Variants in SRL observed in about 807,000 individuals in gnomAD.
SRL encodes sarcalumenin.
Under a neutral mutation model 39.5 loss-of-function variants are expected in SRL, and 23 were observed. The observed-to-expected ratio is 0.58, with a 90% CI of 0.42 to 0.82. The LOEUF (loss-of-function observed/expected upper bound fraction) is 0.82. Among genes scored for constraint, SRL ranks in the 40% least tolerant of loss-of-function variants. The pLI is 0.00. For synonymous variants in SRL, 272 were observed against 237.4 expected (o/e 1.15, Z -1.34); for missense variants, 592 against 607.8 (o/e 0.97, Z 0.27).
At position 4,204,587 on chromosome 16, in the gene SRL, G is replaced by A. The variant is rs773854883; in HGVS notation, c.109C>T (p.His37Tyr). Residue 37 changes from histidine to tyrosine, a missense_variant, in exon 2 of 6, where the codon CAC becomes TAC. His to Tyr is a moderately conservative substitution (Grantham distance 83). Transcript: ENST00000399609. The stretch of plus-strand genomic sequence containing the variant: ...TTCAGCATGAGGGTCTTCTCGATGT[G>A]GGAGCGGTCCCTCAATGGGGCTTCT... Reference protein sequence around the residue: ...NEEAPLRDRSHIEKTLMLNED... With the variant: ...NEEAPLRDRSYIEKTLMLNED... 29 of 1,614,082 alleles carry A rather than the reference G, an allele frequency of 1.8e-5. No individual in the cohort carries two copies. The highest frequency in any genetic ancestry group is 5.0e-5 in the Admixed American group (3 of 60,004).
chr16:4,228,982 A>C (rs865960444), intron 1 of SRL, among the ~76,000 whole-genome samples: 1 of 152,106 alleles, frequency 6.6e-6, no homozygotes, highest in Non-Finnish European at 1.5e-5. Flanking sequence ...GGTCATGAGA[A>C]AGTGAACTTC....
chr16:4,192,137 A>C lies in SRL; in HGVS notation c.*16T>G, dbSNP rs752145107. ...AAGCTGATTCACCAACAGGAACCCA[A>C]GGACCGCTCCACCACCTAGTGCTTC... On this transcript the variant is annotated 3_prime_UTR_variant, in exon 6 of 6. Transcript: ENST00000399609. This position sits in a 1 kb window ranked among gnomAD's most constrained non-coding sequence, Gnocchi z 4.0. 4.6e-6 allele frequency: 7 copies of C among 1,532,854 alleles called. No homozygotes were observed. The East Asian group carries it at 1.4e-4, about 30-fold the overall frequency. The allele number at this position is 1,532,854 out of a possible 1,614,324, so 95.0% of individuals were successfully genotyped here.
At chr16:4,227,303 G>T (rs772476634) in intron 1 of SRL, among the ~76,000 whole-genome samples, 1 of 150,834 alleles carries the variant, frequency 6.6e-6, no homozygotes, top group Non-Finnish European at 1.5e-5. Context: ...GATGGATGAC[G>T]GATGGATGGG....
At chr16:4,195,480 G>A (rs934243387) in intron 5 of SRL, 73 bp downstream of exon 5, 13 of 1,435,280 alleles carry the variant, frequency 9.1e-6, no homozygotes, top group Non-Finnish European at 1.2e-5. Context: ...TCACAGGCAT[G>A]AGCCATCATG....
chr16:4,192,801 G>A lies in SRL; in HGVS notation c.774C>T (p.Asp258=), dbSNP rs752951223. ...GCATGAGCATTTGGGTGGCCAGATT[G>A]TCAGCCTTGTTCAGGATGATCCTTA... ...SQIRIILNKA[D]NLATQMLMRV... is the part of the protein sequence containing the mutation. The change falls in exon 6 of 6, where the codon GAC becomes GAT. Residue 258 remains aspartate, a synonymous_variant. Coordinates refer to ENST00000399609, the MANE Select transcript of SRL (RefSeq NM_001098814.2). The surrounding 1 kb of genome is among the most constrained non-coding windows in gnomAD (Gnocchi z 4.0). 3 of 1,614,206 alleles carry A rather than the reference G, an allele frequency of 1.9e-6. No individual in the cohort carries two copies. The highest frequency in any genetic ancestry group is 4.5e-5 in the East Asian group (2 of 44,886).
At position 4,190,083 on chromosome 16, in the gene SRL, G is replaced by A. The variant is rs1208788727; in HGVS notation, c.*2070C>T. The A allele has an allele frequency of 2.3e-5, 9 of 395,546 alleles. No individual in the cohort carries two copies. The highest frequency in any genetic ancestry group is 4.4e-5 in the Admixed American group (1 of 22,626). 24.5% of individuals were successfully genotyped at this position (395,546 alleles called of 1,614,324 possible). ...CTCACTGTTCTTTCCTGGTCGACTC[G>A]TTCCTTGGAAACATTGTCCTGAGTG... On this transcript the variant is annotated 3_prime_UTR_variant, in exon 6 of 6. Transcript: ENST00000399609.
intron 1 of SRL, among the ~76,000 whole-genome samples, chr16:4,212,377 C>G (rs908819646): frequency 1.3e-5 from 2 of 152,222 alleles, no homozygotes; most frequent in African/African-American, 4.8e-5. Context: ...CAGTTCTCCT[C>G]TTGGAGGCGC....
At chr16:4,195,187 G>C (rs956490439) in intron 5 of SRL, among the ~76,000 whole-genome samples, 1 of 152,058 alleles carries the variant, frequency 6.6e-6, no homozygotes, top group African/African-American at 2.4e-5. Flanking sequence ...GAGCCACTGT[G>C]CCCAGCCTTA....
At chr16:4,211,209 G>GC (rs2052387967) in intron 1 of SRL, among the ~76,000 whole-genome samples, 1 of 151,500 alleles carries the variant, frequency 6.6e-6, no homozygotes. Context: ...GCAAACCACT[G>GC]CAACTACCAA....
chr16:4,209,987 C>A (rs1215292818), intron 1 of SRL, among the ~76,000 whole-genome samples: 1 of 152,160 alleles, frequency 6.6e-6, no homozygotes, highest in Non-Finnish European at 1.5e-5. Flanking sequence ...CCTGCACGTG[C>A]CTTCTCTTCA....
chr16:4,212,472 T>C (rs545946977), intron 1 of SRL, among the ~76,000 whole-genome samples: 1 of 152,270 alleles, frequency 6.6e-6, no homozygotes, highest in East Asian at 1.9e-4. Context: ...GGCTGGTGTC[T>C]TTCCCACCTC....
At chr16:4,228,536 C>T (rs907825335) in intron 1 of SRL, among the ~76,000 whole-genome samples, 2 of 151,890 alleles carry the variant, frequency 1.3e-5, no homozygotes, top group South Asian at 2.1e-4. Context: ...GAGATCGAGA[C>T]CATCCTGGCT....
intron 1 of SRL, among the ~76,000 whole-genome samples, chr16:4,240,723 A>G (rs1351460190): frequency 6.6e-6 from 1 of 152,140 alleles, no homozygotes; most frequent in African/African-American, 2.4e-5. Flanking sequence ...CCCAGTGTGT[A>G]GCAGCCCAGC....
chr16:4,222,575 TTTTG>T (rs1490438467), intron 1 of SRL, among the ~76,000 whole-genome samples: 4 of 152,074 alleles, frequency 2.6e-5, no homozygotes, highest in African/African-American at 9.7e-5. Context: ...CACCCGGCTT[TTTTG>T]TTTTTTTCTT....
At chr16:4,211,662 C>A (rs904491803) in intron 1 of SRL, among the ~76,000 whole-genome samples, 6 of 144,822 alleles carry the variant, frequency 4.1e-5, no homozygotes, top group Middle Eastern at 3.6e-3. Context: ...ATGGTGATGA[C>A]CGTGCCGATG....
intron 1 of SRL, among the ~76,000 whole-genome samples, chr16:4,222,557 A>T (rs2052542146): frequency 6.6e-6 from 1 of 152,160 alleles, no homozygotes; most frequent in African/African-American, 2.4e-5. Context: ...TACAGGCATG[A>T]GCCACTGCAC....
At chr16:4,205,428 A>G (rs1029858808) in intron 1 of SRL, among the ~76,000 whole-genome samples, 3 of 152,114 alleles carry the variant, frequency 2.0e-5, no homozygotes, top group Non-Finnish European at 4.4e-5. Context: ...AAACAATAAA[A>G]ATAATTAATA....
At chr16:4,241,326 A>C (rs562132462) in intron 1 of SRL, among the ~76,000 whole-genome samples, 1 of 152,262 alleles carries the variant, frequency 6.6e-6, no homozygotes, top group South Asian at 2.1e-4. Context: ...TGCTACCCAA[A>C]GTGCTGAGAT....
intron 1 of SRL, among the ~76,000 whole-genome samples, chr16:4,228,414 C>A (rs370580981): frequency 6.6e-6 from 1 of 151,308 alleles, no homozygotes; most frequent in African/African-American, 2.4e-5. Context: ...CCAACCCGGG[C>A]GACAGAGCGA....
Sources: allele counts gnomAD v4.1 joint callset (sites outside exome capture counted in the v4.1 genomes callset), GRCh38; gene constraint gnomAD v4.1.1; non-coding constraint Gnocchi (gnomAD v3.1); transcripts MANE v1.5; gene names NCBI Gene and HGNC (gene_info 2026-07-23, HGNC 2026-07-21).